SFMBT1: variants seen among roughly 807,000 people sequenced by gnomAD.
The protein encoded by SFMBT1 is Scm like with four mbt domains 1.
In SFMBT1, 32 loss-of-function variants were observed where a neutral mutation model predicts 108.7. The observed-to-expected ratio is 0.29, with a 90% CI of 0.22 to 0.40. SFMBT1 has a LOEUF of 0.40. Among genes scored for constraint, SFMBT1 ranks in the 10% least tolerant of loss-of-function variants. The pLI, the probability that SFMBT1 is intolerant of heterozygous loss-of-function variation, is 1.00. For missense variants in SFMBT1, 816 were observed against 1,059.6 expected, an observed-to-expected ratio of 0.77 and a Z score of 3.19; for synonymous variants, 348 against 369.5, an observed-to-expected ratio of 0.94 and a Z score of 0.67.
chr3:53,011,927 G>A (rs1375862949), intron 1 of SFMBT1, among the ~76,000 whole-genome samples: 1 of 152,204 alleles, frequency 6.6e-6, no homozygotes, highest in Non-Finnish European at 1.5e-5. Context: ...CTGGCATGCT[G>A]AAGGTAACTA....
rs1698417703 is a variant in SFMBT1, at chr3:52,998,427, T to C, written c.-130-29169A>G. On this transcript the variant is annotated intron_variant, in intron 1 of 20. Coordinates refer to ENST00000394752, the MANE Select transcript of SFMBT1 (RefSeq NM_016329.4). ...AAAGAAAAGAAAAAATGTAGATCAA[T>C]AATATTATTTTGCTGACGCATTGGA... is the stretch of plus-strand genomic sequence containing the variant. Among the ~76,000 whole-genome samples the C allele has an allele frequency of 1.3e-5, 2 of 150,108 alleles. 1 individual carries two copies. The highest frequency in any genetic ancestry group is 3.0e-5 in the Non-Finnish European group (2 of 67,000).
In SFMBT1 at chr3:52,920,748, C is replaced by T. The variant is rs147821088; in HGVS notation, c.1259-98G>A. On this transcript the variant is annotated intron_variant, in intron 11 of 20. Transcript: ENST00000394752. The stretch of plus-strand genomic sequence containing the variant: ...AAACTATTTTCTAGATAATGTTCTA[C>T]TCTTATAATAATGCAGACACAAGTC... 266 of 685,054 alleles carry T rather than the reference C, an allele frequency of 3.9e-4. No individual in the cohort carries two copies. The African/African-American group carries it at 4.2e-3, about 11-fold the overall frequency. The allele number at this position is 685,054 out of a possible 1,614,324, so 42.4% of individuals were successfully genotyped here. A position where few individuals can be genotyped will look rare whatever the true frequency, so the allele number is the denominator to read the frequency against.
chr3:52,980,752 T>G (rs1333591103), intron 1 of SFMBT1, among the ~76,000 whole-genome samples: 8 of 152,230 alleles, frequency 5.3e-5, no homozygotes. Context: ...AATTATGTTT[T>G]TATCTCATGT....
intron 2 of SFMBT1, among the ~76,000 whole-genome samples, chr3:52,961,689 T>C (rs1240274864): frequency 6.6e-6 from 1 of 152,238 alleles, no homozygotes; most frequent in Non-Finnish European, 1.5e-5. Context: ...GTTGTAGTCT[T>C]TTCCATAGTT....
chr3:52,960,971 A>T (rs1378140916), intron 2 of SFMBT1, among the ~76,000 whole-genome samples: 1 of 152,172 alleles, frequency 6.6e-6, no homozygotes, highest in East Asian at 1.9e-4. Flanking sequence ...TCTCGTGTCT[A>T]CAAAAATATT....
intron 2 of SFMBT1, among the ~76,000 whole-genome samples, chr3:52,965,130 A>G (rs903075068): frequency 6.6e-6 from 1 of 152,162 alleles, no homozygotes; most frequent in African/African-American, 2.4e-5. Flanking sequence ...GCGACATTTT[A>G]GGTTGAGACT....
intron 1 of SFMBT1, among the ~76,000 whole-genome samples, chr3:53,042,045 T>C (rs1050468773): frequency 3.3e-5 from 5 of 152,254 alleles, no homozygotes; most frequent in Admixed American, 1.3e-4. Context: ...AAGCAAAATT[T>C]TGGAAAATTA....
intron 2 of SFMBT1, among the ~76,000 whole-genome samples, chr3:52,965,914 G>A (rs1704119880): frequency 6.9e-6 from 1 of 145,964 alleles, no homozygotes; most frequent in African/African-American, 2.6e-5. Context: ...GCTGAGGCAG[G>A]AGAATGGCGT....
At chr3:53,033,261 G>A (rs1276013130) in intron 1 of SFMBT1, among the ~76,000 whole-genome samples, 9 of 151,658 alleles carry the variant, frequency 5.9e-5, no homozygotes, top group Non-Finnish European at 8.8e-5. Context: ...CCCAGGTTCC[G>A]GCAATTCTCC....
chr3:52,912,126 C>T (rs1242690602), intron 16 of SFMBT1, among the ~76,000 whole-genome samples: 1 of 152,070 alleles, frequency 6.6e-6, no homozygotes. Flanking sequence ...AAAAGCCCTG[C>T]CTAAGGAAAC....
intron 1 of SFMBT1, among the ~76,000 whole-genome samples, chr3:52,978,675 T>C (rs1704605820): frequency 1.3e-5 from 2 of 152,212 alleles, no homozygotes; most frequent in South Asian, 4.1e-4. Context: ...ATGTTCGTAG[T>C]ATTATTTATA....
chr3:52,951,304 C>T (rs1169697873), intron 3 of SFMBT1, among the ~76,000 whole-genome samples: 1 of 151,418 alleles, frequency 6.6e-6, no homozygotes, highest in African/African-American at 2.4e-5. Context: ...TAATTTAGAG[C>T]TGTGTATCAA....
chr3:52,977,145 A>G (rs1704545129), intron 1 of SFMBT1, among the ~76,000 whole-genome samples: 1 of 152,226 alleles, frequency 6.6e-6, no homozygotes. Flanking sequence ...TTCAGGGCAT[A>G]CACAGAGAAA....
chr3:53,006,114 C>T (rs911103783), intron 1 of SFMBT1, among the ~76,000 whole-genome samples: 1 of 152,144 alleles, frequency 6.6e-6, no homozygotes, highest in African/African-American at 2.4e-5. Flanking sequence ...GAGGTCACTT[C>T]AAGGCAAGCA....
At chr3:52,996,885 C>T (rs991421341) in intron 1 of SFMBT1, among the ~76,000 whole-genome samples, 1 of 149,408 alleles carries the variant, frequency 6.7e-6, no homozygotes, top group Admixed American at 6.8e-5. Flanking sequence ...CTGGCTAAAA[C>T]GGTGAAACCC....
chr3:53,011,314 C>T (rs1698935618), intron 1 of SFMBT1, among the ~76,000 whole-genome samples: 1 of 152,082 alleles, frequency 6.6e-6, no homozygotes, highest in African/African-American at 2.4e-5. Flanking sequence ...GGCATCAGGT[C>T]GGCAAGGGGC....
intron 1 of SFMBT1, among the ~76,000 whole-genome samples, chr3:52,977,019 T>G (rs997323978): frequency 2.0e-5 from 3 of 152,218 alleles, no homozygotes; most frequent in African/African-American, 7.2e-5. Context: ...AAATTTTAAC[T>G]TGCATTCTCT....
At chr3:53,014,296 T>C (rs534417847) in intron 1 of SFMBT1, among the ~76,000 whole-genome samples, 9 of 152,144 alleles carry the variant, frequency 5.9e-5, no homozygotes, top group Non-Finnish European at 1.3e-4. Flanking sequence ...CAGGAAAGAA[T>C]TGAGATCACT....
At chr3:52,912,880 A>T (rs184783979) in intron 15 of SFMBT1, among the ~76,000 whole-genome samples, 1 of 152,364 alleles carries the variant, frequency 6.6e-6, no homozygotes, top group East Asian at 1.9e-4. Context: ...CGGTCAGGAA[A>T]AAAACAGGTA....
Sources: gnomAD v4.1 joint callset for allele counts (sites outside exome capture counted in the v4.1 genomes callset) on GRCh38, gnomAD v4.1.1 for gene constraint, MANE v1.5 for transcripts, NCBI Gene and HGNC (gene_info 2026-07-23, HGNC 2026-07-21) for gene names.